Variants in DPP10 observed in about 807,000 individuals in gnomAD.
The protein encoded by DPP10 is dipeptidyl peptidase like 10, also known as inactive dipeptidyl peptidase 10.
Under a neutral mutation model 120.9 loss-of-function variants are expected in DPP10, and 33 were observed. That is an observed-to-expected ratio of 0.27 (90% CI 0.21 to 0.37). The LOEUF (loss-of-function observed/expected upper bound fraction) is 0.37, where lower values mean the gene tolerates loss of function less well. DPP10 is among the 10% of genes least tolerant of loss of function. The pLI is 1.00. For missense variants in DPP10, 816 were observed against 942.8 expected (o/e 0.87, Z 1.76); for synonymous variants, 337 against 326.1 (o/e 1.03, Z -0.36).
At chr2:114,539,911 T>C (rs928578775) in intron 1 of DPP10, among the ~76,000 whole-genome samples, 4 of 152,152 alleles carry the variant, frequency 2.6e-5, no homozygotes, top group Non-Finnish European at 5.9e-5. Flanking sequence ...TTTATATTCT[T>C]AGCAATATTA....
chr2:115,166,340 C>T (rs2052843618), intron 1 of DPP10, among the ~76,000 whole-genome samples: 2 of 150,892 alleles, frequency 1.3e-5, no homozygotes, highest in Admixed American at 1.3e-4. Flanking sequence ...AATTATTCAA[C>T]ATATAAAATG....
intron 5 of DPP10, among the ~76,000 whole-genome samples, chr2:115,537,619 C>T (rs112303555): frequency 2.2e-5 from 3 of 133,634 alleles, no homozygotes; most frequent in African/African-American, 8.2e-5. Context: ...AAAAAACATA[C>T]TTTGGGCAGT....
chr2:115,825,169 A>T (rs1688185154), intron 21 of DPP10, among the ~76,000 whole-genome samples: 1 of 152,208 alleles, frequency 6.6e-6, no homozygotes, highest in East Asian at 1.9e-4. Flanking sequence ...GTTTAACTGA[A>T]ATCTCTTTGA....
chr2:115,468,478 T>A (rs1464121036), intron 3 of DPP10: 3 of 434,044 alleles, frequency 6.9e-6, no homozygotes, highest in Non-Finnish European at 1.4e-5. Context: ...ATTAACCTGC[T>A]TACTATTGCT....
At chr2:114,479,941 G>A (rs1353406968) in intron 1 of DPP10, among the ~76,000 whole-genome samples, 1 of 151,092 alleles carries the variant, frequency 6.6e-6, no homozygotes, top group African/African-American at 2.4e-5. Context: ...TACAGAATGG[G>A]AGAAAATTTT....
intron 5 of DPP10, among the ~76,000 whole-genome samples, chr2:115,668,231 A>T (rs1466738097): frequency 2.0e-5 from 3 of 151,778 alleles, no homozygotes; most frequent in Non-Finnish European, 4.4e-5. Context: ...GTTCCCGCCA[A>T]CATTGATGTT....
chr2:115,613,992 C>T (rs1276893443), intron 5 of DPP10, among the ~76,000 whole-genome samples: 2 of 152,040 alleles, frequency 1.3e-5, no homozygotes, highest in Non-Finnish European at 2.9e-5. Flanking sequence ...AAGCTGATCC[C>T]AAAGGCATTA....
intron 1 of DPP10, among the ~76,000 whole-genome samples, chr2:114,956,986 CAAAAAA>C (rs764400761): frequency 1.9e-5 from 2 of 106,974 alleles, no homozygotes; most frequent in African/African-American, 7.2e-5. Context: ...TAAAACTATT[CAAAAAA>C]AAAAAAAAAG....
At chr2:114,727,106 C>T (rs1404910826) in intron 1 of DPP10, among the ~76,000 whole-genome samples, 1 of 152,156 alleles carries the variant, frequency 6.6e-6, no homozygotes, top group Non-Finnish European at 1.5e-5. Flanking sequence ...ATTTCTTTTT[C>T]ACTCCTGATA....
At chr2:115,823,491 C>T (rs17718031) in intron 21 of DPP10, among the ~76,000 whole-genome samples, 12,375 of 152,106 alleles carry the variant, frequency 0.081, 676 homozygotes, top group Non-Finnish European at 0.12. Flanking sequence ...ATTTTGTTTA[C>T]GCCATCCACC....
chr2:115,118,582 T>A (rs552887037), intron 1 of DPP10, among the ~76,000 whole-genome samples: 1 of 152,264 alleles, frequency 6.6e-6, no homozygotes, highest in East Asian at 1.9e-4. Flanking sequence ...TTTTGTTTTT[T>A]GTTTCTTGTT....
chr2:114,539,117 T>A (rs1020541977), intron 1 of DPP10, among the ~76,000 whole-genome samples: 32 of 150,044 alleles, frequency 2.1e-4, no homozygotes, highest in Admixed American at 5.3e-4. Context: ...AAAATAAAAA[T>A]TGTATTTTAT....
intron 7 of DPP10, among the ~76,000 whole-genome samples, chr2:115,707,333 A>C (rs2092150387): frequency 6.6e-6 from 1 of 151,734 alleles, no homozygotes; most frequent in Non-Finnish European, 1.5e-5. Context: ...GGGCCATAAA[A>C]CAAGTATCAA....
chr2:115,728,048 A>G (rs1464719752), intron 8 of DPP10, 112 bp downstream of exon 8: 16 of 1,265,704 alleles, frequency 1.3e-5, no homozygotes, highest in Non-Finnish European at 1.7e-5. Context: ...GTTTCTTCTC[A>G]TTTTCTCTCA....
At chr2:115,308,813 G>A (rs769181819) in intron 1 of DPP10, among the ~76,000 whole-genome samples, 1 of 150,110 alleles carries the variant, frequency 6.7e-6, no homozygotes, top group Non-Finnish European at 1.5e-5. Flanking sequence ...CCCATTTCTA[G>A]TCTTTGCCCC....
intron 8 of DPP10, among the ~76,000 whole-genome samples, chr2:115,737,138 C>A (rs1676631088): frequency 6.6e-6 from 1 of 152,176 alleles, no homozygotes; most frequent in Non-Finnish European, 1.5e-5. Context: ...TGCAGACCTG[C>A]CATAAACCAG....
chr2:115,632,616 A>G lies in DPP10; in HGVS notation c.442-57071A>G, dbSNP rs548608469. ...TGCTTTTGAAACTTAGTTTGGCCAG[A>G]TGTGAAATTCTGGGTTGGAAATTCT... On this transcript the variant is annotated intron_variant, in intron 5 of 25. Coordinates refer to ENST00000410059, the MANE Select transcript of DPP10 (RefSeq NM_020868.6). Among the ~76,000 whole-genome samples, 3 of 152,316 alleles carry G rather than the reference A, an allele frequency of 2.0e-5. No homozygotes were observed. The East Asian group carries it at 5.8e-4, about 29-fold the overall frequency.
At chr2:114,819,344 A>G (rs1328843271) in intron 1 of DPP10, among the ~76,000 whole-genome samples, 2 of 152,086 alleles carry the variant, frequency 1.3e-5, no homozygotes, top group African/African-American at 4.8e-5. Context: ...CAAACAAGCC[A>G]CTTACCCTCT....
intron 1 of DPP10, among the ~76,000 whole-genome samples, chr2:114,563,326 G>A (rs1440789106): frequency 1.3e-5 from 2 of 151,468 alleles, no homozygotes; most frequent in African/African-American, 4.9e-5. Flanking sequence ...GCACTGAGAT[G>A]GTGCCACTGC....
Sources: allele counts gnomAD v4.1 joint callset (sites outside exome capture counted in the v4.1 genomes callset), GRCh38; gene constraint gnomAD v4.1.1; transcripts MANE v1.5; gene names NCBI Gene and HGNC (gene_info 2026-07-23, HGNC 2026-07-21).